Variants in DPP4 observed in about 807,000 individuals in gnomAD.
DPP4 encodes the protein dipeptidyl peptidase 4.
DPP4 carries 93 observed loss-of-function variants against 122.4 expected under a neutral mutation model. The observed-to-expected ratio is 0.76, with a 90% confidence interval of 0.64 to 0.90. The LOEUF (loss-of-function observed/expected upper bound fraction) is 0.90, where lower values mean the gene tolerates loss of function less well. DPP4 is among the 40% of genes least tolerant of loss of function. The probability of loss-of-function intolerance (pLI) is 0.00; values close to 1 mark genes in which losing one functional copy is unlikely to be tolerated. For missense variants in DPP4, 914 were observed against 907.3 expected (o/e 1.01, Z -0.09); for synonymous variants, 321 against 302.9 (o/e 1.06, Z -0.62).
At chr2:161,995,134 T>C in intron 24 of DPP4, 100 bp from the exon 25 acceptor site, 1 of 1,412,392 alleles carries the variant, frequency 7.1e-7, no homozygotes, top group Non-Finnish European at 1.0e-6. Flanking sequence ...CTGTTTGAAG[T>C]TCTAGGACTC....
chr2:162,046,822 A>G, intron 4 of DPP4, 93 bp downstream of exon 4: 1 of 837,698 alleles, frequency 1.2e-6, no homozygotes. Context: ...AAAGAGTCCA[A>G]CAGGTTGAGA....
intron 4 of DPP4, 139 bp from the exon 5 acceptor site, chr2:162,045,751 C>A: frequency 1.6e-6 from 1 of 617,964 alleles, no homozygotes; most frequent in Non-Finnish European, 2.9e-6. Flanking sequence ...GTGGCATATT[C>A]ACCCACACAA....
At chr2:162,008,738 T>G in intron 21 of DPP4, 77 bp from the exon 22 acceptor site, 1 of 1,269,032 alleles carries the variant, frequency 7.9e-7, no homozygotes, top group Non-Finnish European at 1.1e-6. Context: ...GTTTCCACAT[T>G]TCTCACATCT....
At position 162,035,325 on chromosome 2, in the gene DPP4, C is replaced by A. The variant is rs1423191516; in HGVS notation, c.614-1G>T. The A allele has an allele frequency of 7.5e-6, 12 of 1,606,372 alleles. No individual in the cohort carries two copies. The highest frequency in any genetic ancestry group is 1.0e-5 in the Non-Finnish European group (12 of 1,177,928). The stretch of plus-strand genomic sequence containing the variant: ...GCAGAGTAGGCACTGAAGACTTCCT[C>A]TGAAAAAAGACACAAATTGTTCTGT... On this transcript the variant is annotated splice_acceptor_variant, in intron 8 of 25. Transcript: ENST00000360534. LOFTEE classifies it high-confidence loss of function.
chr2:162,073,830 G>C, intron 1 of DPP4, 146 bp downstream of exon 1: 1 of 1,099,022 alleles, frequency 9.1e-7, no homozygotes. Flanking sequence ...GCTCTGGGAC[G>C]TCCCTTCACC....
At chr2:161,994,765 C>T (rs1263313922) in intron 25 of DPP4, among the ~76,000 whole-genome samples, 196 bp downstream of exon 25, 1 of 152,104 alleles carries the variant, frequency 6.6e-6, no homozygotes, top group East Asian at 1.9e-4. Flanking sequence ...GCTTCTTAAC[C>T]CCAAACTCGC....
rs903301838 is a variant in DPP4 at position 162,066,384 on chromosome 2, G to T, written c.94+7015C>A. Among the ~76,000 whole-genome samples the T allele has an allele frequency of 7.2e-5, 11 of 152,060 alleles. 1 individual carries two copies. The highest frequency in any genetic ancestry group is 2.7e-4 in the African/African-American group (11 of 41,398). On this transcript the variant is annotated intron_variant, in intron 2 of 25. Coordinates refer to ENST00000360534, the MANE Select transcript of DPP4 (RefSeq NM_001935.4). ...AGAGTCAGAGGCATATTTTTGAAAT[G>T]TGAAAAGATCATGTCACATTCATGC...
intron 18 of DPP4, among the ~76,000 whole-genome samples, chr2:162,015,153 T>C (rs1352354036): frequency 6.6e-6 from 1 of 152,212 alleles, no homozygotes; most frequent in Non-Finnish European, 1.5e-5. Context: ...TACTAATAGA[T>C]CTATAAAAAA....
chr2:162,006,670 C>A (rs1701290160), intron 22 of DPP4, among the ~76,000 whole-genome samples: 1 of 152,026 alleles, frequency 6.6e-6, no homozygotes, highest in East Asian at 1.9e-4. Flanking sequence ...CATATTTTGC[C>A]TGATTTTAAA....
rs188273331 is a variant in DPP4, at chr2:162,061,564, T to C, written c.94+11835A>G. ...TTAATAAGCCATGAGGATAAACGTA[T>C]TCTATCTTTTTTCAAACAGTTGCTA... On this transcript the variant is annotated intron_variant, in intron 2 of 25. Coordinates refer to ENST00000360534, the MANE Select transcript of DPP4 (RefSeq NM_001935.4). 3.9e-3 allele frequency among the ~76,000 whole-genome samples: 594 copies of C among 152,334 alleles called. 1 individual carries two copies. Among genetic ancestry groups the C allele is most frequent in the Non-Finnish European group, 6.5e-3 (444 of 68,028 alleles).
chr2:161,997,303 A>G (rs990486546), intron 23 of DPP4, among the ~76,000 whole-genome samples: 19 of 152,222 alleles, frequency 1.2e-4, no homozygotes, highest in African/African-American at 4.3e-4. Flanking sequence ...ACATCTAAAT[A>G]TAAATCCATC....
intron 4 of DPP4, 55 bp from the exon 5 acceptor site, chr2:162,045,667 C>T: frequency 7.7e-7 from 1 of 1,298,272 alleles, no homozygotes; most frequent in Non-Finnish European, 1.1e-6. Context: ...ATTGCCATCA[C>T]TGTGCACTTA....
intron 8 of DPP4, among the ~76,000 whole-genome samples, chr2:162,038,086 G>A (rs1683844750): frequency 6.6e-6 from 1 of 152,190 alleles, no homozygotes; most frequent in African/African-American, 2.4e-5. Flanking sequence ...GACAAGAGGA[G>A]TATTGTCAGG....
intron 2 of DPP4, among the ~76,000 whole-genome samples, chr2:162,056,812 C>T (rs1684597313): frequency 6.6e-6 from 1 of 152,150 alleles, no homozygotes; most frequent in Admixed American, 6.5e-5. Context: ...TTCCAGAGGT[C>T]AGAAGATTTG....
chr2:162,039,373 C>G lies in DPP4; in HGVS notation c.367-189G>C, dbSNP rs146287623. 5.5e-3 allele frequency among the ~76,000 whole-genome samples: 843 copies of G among 152,100 alleles called. 4 individuals are homozygous for G. Among genetic ancestry groups the G allele is most frequent in the South Asian group, 0.028 (134 of 4,814 alleles). ...TAGAGATCATCTCATACAAACTCCT[C>G]TGGAGTTCATCTACAACCTAGCTCT... On this transcript the variant is annotated intron_variant, in intron 5 of 25. Transcript: ENST00000360534.
In DPP4 at chr2:162,014,384, T is replaced by C; in HGVS notation, c.1637+12A>G. ...AATACTTCTAAATTGCTCCCTTCTC[T>C]TGAATACTTACACATCTAATAGTAG... is the stretch of plus-strand genomic sequence containing the variant. On this transcript the variant is annotated intron_variant, in intron 19 of 25. Coordinates refer to ENST00000360534, the MANE Select transcript of DPP4 (RefSeq NM_001935.4). 1 of 1,600,446 alleles carries C rather than the reference T, an allele frequency of 6.2e-7. No homozygotes were observed. The highest frequency in any genetic ancestry group is 2.2e-5 in the East Asian group (1 of 44,598).
intron 2 of DPP4, among the ~76,000 whole-genome samples, chr2:162,059,672 T>C (rs1244993704): frequency 6.6e-6 from 1 of 152,176 alleles, no homozygotes; most frequent in Non-Finnish European, 1.5e-5. Flanking sequence ...TTTATAAGTG[T>C]AATCAACAAG....
At chr2:162,062,247 A>C (rs946873765) in intron 2 of DPP4, among the ~76,000 whole-genome samples, 2 of 152,202 alleles carry the variant, frequency 1.3e-5, no homozygotes, top group African/African-American at 2.4e-5. Context: ...GCATCGCTGC[A>C]CTCCAGCCTG....
chr2:162,047,021 C>T lies in DPP4; in HGVS notation c.194-15G>A. ...ATATTCATGATCTAAAGAGAGAAAA[C>T]ACCCAGATCAAAATTTCAAGTTGTT... On this transcript the variant is annotated splice_polypyrimidine_tract_variant and intron_variant, in intron 3 of 25. Coordinates refer to ENST00000360534, the MANE Select transcript of DPP4 (RefSeq NM_001935.4). 7.2e-7 allele frequency: 1 copy of T among 1,393,968 alleles called. No individual in the cohort carries two copies. The highest frequency in any genetic ancestry group is 1.0e-6 in the Non-Finnish European group (1 of 996,922). 86.3% of individuals were successfully genotyped at this position (1,393,968 alleles called of 1,614,324 possible). A position where few individuals can be genotyped will look rare whatever the true frequency, so the allele number is the denominator to read the frequency against.
Sources: gnomAD v4.1 joint callset for allele counts (sites outside exome capture counted in the v4.1 genomes callset) on GRCh38, gnomAD v4.1.1 for gene constraint, MANE v1.5 for transcripts, NCBI Gene and HGNC (gene_info 2026-07-23, HGNC 2026-07-21) for gene names.